The following KCNIP4 variants were observed in gnomAD, a reference collection of about 807,000 sequenced individuals.
KCNIP4 encodes potassium voltage-gated channel interacting protein 4.
Under a neutral mutation model 34.0 loss-of-function variants are expected in KCNIP4, and 12 were observed. That is an observed-to-expected ratio of 0.35 (90% confidence interval 0.23 to 0.57). KCNIP4 has a LOEUF of 0.57. Ranked by LOEUF, KCNIP4 falls within the 20% of genes least tolerant of loss-of-function variation. KCNIP4 has a pLI of 0.83. For missense variants in KCNIP4, 238 were observed against 311.7 expected, an observed-to-expected ratio of 0.76 and a Z score of 1.78; for synonymous variants, 124 against 102.2, an observed-to-expected ratio of 1.21 and a Z score of -1.29.
intron 1 of KCNIP4, among the ~76,000 whole-genome samples, chr4:20,981,543 T>C (rs902110473): frequency 6.6e-6 from 1 of 152,192 alleles, no homozygotes. Context: ...TAGGATTCAG[T>C]AGTCTTTGGT....
At chr4:20,836,500 C>T (rs1719052564) in intron 3 of KCNIP4, among the ~76,000 whole-genome samples, 1 of 152,134 alleles carries the variant, frequency 6.6e-6, no homozygotes, top group Non-Finnish European at 1.5e-5. Context: ...AAAGAATTGG[C>T]TAATGTGATT....
chr4:21,467,822 T>C (rs2109795762), intron 1 of KCNIP4, among the ~76,000 whole-genome samples: 1 of 152,324 alleles, frequency 6.6e-6, no homozygotes, highest in South Asian at 2.1e-4. Context: ...ATAGGTATGC[T>C]GCTTTGATCA....
chr4:21,588,021 C>T (rs550118990), intron 1 of KCNIP4, among the ~76,000 whole-genome samples: 2 of 152,028 alleles, frequency 1.3e-5, no homozygotes, highest in Middle Eastern at 3.4e-3. Flanking sequence ...ATCTAGCTTC[C>T]TGTTGCTTCC....
intron 1 of KCNIP4, among the ~76,000 whole-genome samples, chr4:21,508,108 G>A (rs1733999290): frequency 6.6e-6 from 1 of 152,090 alleles, no homozygotes; most frequent in South Asian, 2.1e-4. Context: ...CTGCCCTTGA[G>A]GTTTGAATAG....
intron 1 of KCNIP4, among the ~76,000 whole-genome samples, chr4:21,612,702 C>T (rs1023570622): frequency 4.6e-5 from 7 of 152,108 alleles, no homozygotes; most frequent in African/African-American, 7.2e-5. Flanking sequence ...GAAATGGACA[C>T]GCAAAATCAA....
At chr4:21,214,754 C>T (rs559372279) in intron 1 of KCNIP4, among the ~76,000 whole-genome samples, 3 of 152,142 alleles carry the variant, frequency 2.0e-5, no homozygotes, top group Non-Finnish European at 4.4e-5. Context: ...GTTTATACTT[C>T]TTTCTTATTT....
chr4:21,034,447 G>C (rs757122931), intron 1 of KCNIP4, among the ~76,000 whole-genome samples: 2 of 152,136 alleles, frequency 1.3e-5, no homozygotes, highest in Non-Finnish European at 2.9e-5. Context: ...CCTTTCAAAT[G>C]CAGAGTGAAT....
chr4:21,913,087 G>A (rs1358159401), intron 1 of KCNIP4, among the ~76,000 whole-genome samples: 2 of 151,864 alleles, frequency 1.3e-5, no homozygotes, highest in Non-Finnish European at 2.9e-5. Flanking sequence ...CCAAAATGCA[G>A]GTGTTGCAAC....
intron 2 of KCNIP4, among the ~76,000 whole-genome samples, chr4:20,875,199 C>G (rs1723882933): frequency 6.6e-6 from 1 of 152,150 alleles, no homozygotes; most frequent in Admixed American, 6.5e-5. Flanking sequence ...GGAAAAAGAT[C>G]TAGTCATATT....
At chr4:21,132,479 T>G (rs1383906067) in intron 1 of KCNIP4, among the ~76,000 whole-genome samples, 1 of 152,226 alleles carries the variant, frequency 6.6e-6, no homozygotes, top group Non-Finnish European at 1.5e-5. Context: ...TCTCAGTTTT[T>G]AACTTTGATC....
At chr4:21,408,530 A>G (rs756070819) in intron 1 of KCNIP4, among the ~76,000 whole-genome samples, 2 of 152,198 alleles carry the variant, frequency 1.3e-5, no homozygotes, top group Non-Finnish European at 2.9e-5. Flanking sequence ...TGAAGGTTTG[A>G]GGAGAGAGGT....
intron 3 of KCNIP4, among the ~76,000 whole-genome samples, chr4:20,842,581 CAAAAAAAAAAAAAAAAAA>C (rs59134256): frequency 5.7e-5 from 4 of 69,694 alleles, no homozygotes; most frequent in African/African-American, 2.3e-4. Context: ...CTTCTAATGG[CAAAAAAAAAAAAAAAAAA>C]AAAAAAAAAA....
At chr4:21,705,600 G>A (rs1224787948) in intron 1 of KCNIP4, among the ~76,000 whole-genome samples, 1 of 152,094 alleles carries the variant, frequency 6.6e-6, no homozygotes, top group African/African-American at 2.4e-5. Context: ...AAACAACAGA[G>A]CAGGCAAAGG....
chr4:21,805,708 C>T (rs897629115), intron 1 of KCNIP4, among the ~76,000 whole-genome samples: 1 of 152,132 alleles, frequency 6.6e-6, no homozygotes, highest in Non-Finnish European at 1.5e-5. Flanking sequence ...GAATTTTCCC[C>T]TCTATGGAAG....
chr4:21,738,125 AAATAAATAAAT>A (rs368088556), intron 1 of KCNIP4, among the ~76,000 whole-genome samples: 11,102 of 134,152 alleles, frequency 0.083, 428 homozygotes, highest in Middle Eastern at 0.11. Context: ...ATAAATAAAT[AAATAAATAAAT>A]AATAAATAAA....
At chr4:21,896,883 C>T (rs1337040633) in intron 1 of KCNIP4, among the ~76,000 whole-genome samples, 1 of 151,844 alleles carries the variant, frequency 6.6e-6, no homozygotes, top group Non-Finnish European at 1.5e-5. Flanking sequence ...TGTGACACTG[C>T]ATTCCAGCCT....
chr4:21,809,084 G>A (rs1332448548), intron 1 of KCNIP4, among the ~76,000 whole-genome samples: 4 of 152,118 alleles, frequency 2.6e-5, no homozygotes, highest in African/African-American at 9.7e-5. Context: ...CCAAATAGCT[G>A]GTAAAACGCT....
At chr4:21,055,689 A>T (rs573570948) in intron 1 of KCNIP4, among the ~76,000 whole-genome samples, 2 of 152,192 alleles carry the variant, frequency 1.3e-5, no homozygotes, top group Non-Finnish European at 2.9e-5. Flanking sequence ...AGACAGTCTG[A>T]AAGGGTTGCA....
chr4:20,972,585 T>A (rs1174148843), intron 1 of KCNIP4, among the ~76,000 whole-genome samples: 1 of 152,188 alleles, frequency 6.6e-6, no homozygotes, highest in Non-Finnish European at 1.5e-5. Flanking sequence ...TATAAACAGA[T>A]GTGTTGTCAT....
Sources: gnomAD v4.1 joint callset for allele counts (sites outside exome capture counted in the v4.1 genomes callset) on GRCh38, gnomAD v4.1.1 for gene constraint, MANE v1.5 for transcripts, NCBI Gene and HGNC (gene_info 2026-07-23, HGNC 2026-07-21) for gene names.